DLGAP2: variants seen among roughly 807,000 people sequenced by gnomAD.
DLGAP2 encodes the protein disks large-associated protein 2.
In DLGAP2, 26 loss-of-function variants were observed where a neutral mutation model predicts 100.3. The observed-to-expected ratio is 0.26, with a 90% CI of 0.19 to 0.36. The LOEUF (loss-of-function observed/expected upper bound fraction) is 0.36. Ranked by LOEUF, DLGAP2 falls within the 10% of genes least tolerant of loss-of-function variation. DLGAP2 has a pLI of 1.00. For missense variants in DLGAP2, 1,858 were observed against 1,453.2 expected, an observed-to-expected ratio of 1.28 and a Z score of -4.53; for synonymous variants, 886 against 630.1, an observed-to-expected ratio of 1.41 and a Z score of -6.08.
intron 2 of DLGAP2, among the ~76,000 whole-genome samples, chr8:1,059,811 C>T (rs1803018357): frequency 6.6e-6 from 1 of 152,174 alleles, no homozygotes; most frequent in Admixed American, 6.5e-5. Context: ...AGAGACACGC[C>T]TCTTGGGAAG....
intron 1 of DLGAP2, among the ~76,000 whole-genome samples, chr8:856,706 C>T (rs1797285127): frequency 6.6e-6 from 1 of 152,176 alleles, no homozygotes; most frequent in South Asian, 2.1e-4. Context: ...AACTACAAAA[C>T]TCTGTTGAAA....
At chr8:795,289 A>G (rs996860383) in intron 1 of DLGAP2, among the ~76,000 whole-genome samples, 6 of 152,168 alleles carry the variant, frequency 3.9e-5, no homozygotes, top group Non-Finnish European at 5.9e-5. Context: ...CTGATTTAAT[A>G]TCTACTGCTG....
intron 3 of DLGAP2, among the ~76,000 whole-genome samples, chr8:1,361,350 G>T (rs1801978251): frequency 6.6e-6 from 1 of 152,232 alleles, no homozygotes; most frequent in Non-Finnish European, 1.5e-5. Flanking sequence ...CTCTACTTCA[G>T]ATGCTATTTA....
At chr8:976,603 C>T (rs1416579442) in intron 2 of DLGAP2, among the ~76,000 whole-genome samples, 1 of 152,206 alleles carries the variant, frequency 6.6e-6, no homozygotes, top group South Asian at 2.1e-4. Context: ...CAGAGCAAGA[C>T]TCTGTCTCAA....
At position 1,383,494 on chromosome 8, in the gene DLGAP2, C is replaced by A. The variant is rs76129296; in HGVS notation, c.107-117872C>A. ...AACACGGATGTGGAGGCTGATAGGC[C>A]TTCGCTCAAGGAGGCAAATGGTTTA... On this transcript the variant is annotated intron_variant, in intron 3 of 14. Coordinates refer to ENST00000637795, the MANE Select transcript of DLGAP2 (RefSeq NM_001346810.2). Among the ~76,000 whole-genome samples the A allele has an allele frequency of 3.0e-4, 45 of 152,280 alleles. No homozygotes were observed. In the East Asian group the frequency reaches 5.2e-3, roughly 18 times the overall value.
chr8:1,038,609 A>G (rs902703330), intron 2 of DLGAP2, among the ~76,000 whole-genome samples: 2 of 152,240 alleles, frequency 1.3e-5, no homozygotes, highest in Non-Finnish European at 2.9e-5. Context: ...GATAATTTGG[A>G]TAAATTGAAA....
chr8:897,134 CTG>C (rs1277165142), intron 1 of DLGAP2, among the ~76,000 whole-genome samples: 28 of 152,264 alleles, frequency 1.8e-4, no homozygotes, highest in Admixed American at 1.5e-3. Flanking sequence ...TCTCTGTTCA[CTG>C]TGACAAACGC....
At chr8:981,617 A>C (rs1273919979) in intron 2 of DLGAP2, among the ~76,000 whole-genome samples, 1 of 152,132 alleles carries the variant, frequency 6.6e-6, no homozygotes, top group African/African-American at 2.4e-5. Context: ...TAGCTGTACT[A>C]GTGAGTGTGA....
At chr8:1,087,238 G>C (rs1457167728) in intron 2 of DLGAP2, among the ~76,000 whole-genome samples, 1 of 152,188 alleles carries the variant, frequency 6.6e-6, no homozygotes, top group African/African-American at 2.4e-5. Context: ...AATTTTAAGA[G>C]GAAAGTTTAG....
intron 1 of DLGAP2, among the ~76,000 whole-genome samples, chr8:794,245 G>A (rs1795980492): frequency 1.3e-5 from 2 of 152,076 alleles, no homozygotes; most frequent in South Asian, 4.1e-4. Context: ...TGTGAGTGAG[G>A]TCGGGATGAG....
chr8:1,096,570 G>T (rs1162705008), intron 2 of DLGAP2, among the ~76,000 whole-genome samples: 1 of 151,390 alleles, frequency 6.6e-6, no homozygotes, highest in Non-Finnish European at 1.5e-5. Flanking sequence ...GAGTCAAGCT[G>T]GGAGCCTAGG....
chr8:1,281,014 G>C (rs933811061), intron 3 of DLGAP2, among the ~76,000 whole-genome samples: 1 of 152,202 alleles, frequency 6.6e-6, no homozygotes, highest in African/African-American at 2.4e-5. Flanking sequence ...CCTTGGTCAA[G>C]CAATGGTCTT....
chr8:758,680 G>T (rs1322825338), intron 1 of DLGAP2, among the ~76,000 whole-genome samples: 2 of 152,060 alleles, frequency 1.3e-5, no homozygotes, highest in African/African-American at 4.8e-5. Flanking sequence ...TCCCACCTCA[G>T]ACTCCTGAGT....
At chr8:1,610,170 G>C (rs1390172837) in intron 6 of DLGAP2, among the ~76,000 whole-genome samples, 5 of 152,100 alleles carry the variant, frequency 3.3e-5, no homozygotes, top group African/African-American at 9.7e-5. Context: ...TGAAAGAACA[G>C]AAATTATAAC....
At chr8:1,103,097 A>T (rs1197776305) in intron 2 of DLGAP2, among the ~76,000 whole-genome samples, 1 of 147,376 alleles carries the variant, frequency 6.8e-6, no homozygotes, top group African/African-American at 2.5e-5. Flanking sequence ...GGGGTCTCTG[A>T]GGTTTTCCGG....
chr8:1,480,265 T>C lies in DLGAP2; in HGVS notation c.107-21101T>C, dbSNP rs185569756. On this transcript the variant is annotated intron_variant, in intron 3 of 14. Transcript: ENST00000637795. ...AAAAGCCGGGTCTTGTTTTTATGTC[T>C]CTTTGGAGTCCACATGTGATTTAAA... 6.8e-3 allele frequency among the ~76,000 whole-genome samples: 1,031 copies of C among 152,280 alleles called. 13 individuals are homozygous for C. The highest frequency in any genetic ancestry group is 0.022 in the African/African-American group (934 of 41,550).
At chr8:1,472,120 C>A (rs1028902118) in intron 3 of DLGAP2, among the ~76,000 whole-genome samples, 1 of 152,216 alleles carries the variant, frequency 6.6e-6, no homozygotes, top group Non-Finnish European at 1.5e-5. Context: ...AAGTGCCCCT[C>A]CACAGTGAGA....
intron 2 of DLGAP2, among the ~76,000 whole-genome samples, chr8:1,119,196 A>C (rs367804861): frequency 1.3e-5 from 2 of 152,272 alleles, no homozygotes; most frequent in East Asian, 3.8e-4. Flanking sequence ...CCCGCACTTA[A>C]GGCATGCAAT....
intron 4 of DLGAP2, among the ~76,000 whole-genome samples, chr8:1,532,745 G>T (rs1019946349): frequency 2.6e-5 from 4 of 152,324 alleles, no homozygotes; most frequent in South Asian, 4.1e-4. Context: ...GATCGGGTTT[G>T]TGAAAATACT....
Sources: allele counts gnomAD v4.1 joint callset (sites outside exome capture counted in the v4.1 genomes callset), GRCh38; gene constraint gnomAD v4.1.1; transcripts MANE v1.5; gene names NCBI Gene and HGNC (gene_info 2026-07-23, HGNC 2026-07-21).